Variants in GASK1B observed in about 807,000 individuals in gnomAD.
The protein encoded by GASK1B is golgi associated kinase 1B.
A neutral mutation model predicts 42.8 loss-of-function variants in GASK1B; 34 were observed. The observed-to-expected ratio is 0.79, with a 90% confidence interval of 0.60 to 1.06. GASK1B has a LOEUF of 1.06. Ranked by LOEUF, GASK1B falls within the 50% of genes least tolerant of loss-of-function variation. GASK1B has a pLI of 0.00. For missense variants in GASK1B, 686 were observed against 661.0 expected, an observed-to-expected ratio of 1.04 and a Z score of -0.42; for synonymous variants, 262 against 259.1, an observed-to-expected ratio of 1.01 and a Z score of -0.11.
At position 158,125,894 on chromosome 4, in the gene GASK1B, T is replaced by C. The variant is rs1277435749; in HGVS notation, c.*1513A>G. Reference sequence around the variant, plus strand: ...TCTACAATTGTATCAATTAGATCTATAGATTTTTTTTTTCAAATCTAGCCT... The same window carrying C: ...TCTACAATTGTATCAATTAGATCTACAGATTTTTTTTTTCAAATCTAGCCT... On this transcript the variant is annotated 3_prime_UTR_variant, in exon 5 of 5. Coordinates refer to ENST00000585682, the MANE Select transcript of GASK1B (RefSeq NM_001128424.2). The C allele has an allele frequency of 2.6e-5, 4 of 152,098 alleles. No individual in the cohort carries two copies. The highest frequency in any genetic ancestry group is 6.6e-5 in the Admixed American group (1 of 15,256). 9.4% of individuals were successfully genotyped at this position (152,098 alleles called of 1,614,324 possible). A position where few individuals can be genotyped will look rare whatever the true frequency, so the allele number is the denominator to read the frequency against.
At chr4:158,154,916 C>T (rs1731701147) in intron 3 of GASK1B, among the ~76,000 whole-genome samples, 1 of 152,156 alleles carries the variant, frequency 6.6e-6, no homozygotes, top group African/African-American at 2.4e-5. Context: ...GTACACTGAT[C>T]AGTTGATGGG....
At chr4:158,128,156 TAAAG>T (rs1396552043) in intron 4 of GASK1B, among the ~76,000 whole-genome samples, 4 of 152,148 alleles carry the variant, frequency 2.6e-5, no homozygotes, top group Non-Finnish European at 5.9e-5. Flanking sequence ...AACATCAAAT[TAAAG>T]AAAGAATTGT....
intron 2 of GASK1B, among the ~76,000 whole-genome samples, chr4:158,162,136 A>G (rs1370285036): frequency 1.3e-5 from 2 of 152,320 alleles, no homozygotes; most frequent in African/African-American, 4.8e-5. Context: ...TTTAAGAACC[A>G]GTTCTGGCAT....
chr4:158,152,169 C>A (rs1022409726), intron 3 of GASK1B, among the ~76,000 whole-genome samples: 1 of 152,144 alleles, frequency 6.6e-6, no homozygotes, highest in Non-Finnish European at 1.5e-5. Context: ...GCTGCACTGT[C>A]GACTTCCTTG....
intron 3 of GASK1B, among the ~76,000 whole-genome samples, chr4:158,141,616 T>C (rs1731122981): frequency 7.5e-6 from 1 of 133,056 alleles, no homozygotes; most frequent in Non-Finnish European, 1.6e-5. Context: ...TTTTTTTTTT[T>C]TTTTTTTTGA....
At chr4:158,159,756 G>C (rs567405835) in intron 2 of GASK1B, 1 of 173,052 alleles carries the variant, frequency 5.8e-6, no homozygotes, top group Non-Finnish European at 1.3e-5. Flanking sequence ...GAATATTTCC[G>C]CTGAATTTGG....
At position 158,126,105 on chromosome 4, in the gene GASK1B, T is replaced by A. The variant is rs1730443024; in HGVS notation, c.*1302A>T. The A allele has an allele frequency of 1.3e-5, 2 of 152,184 alleles. No homozygotes were observed. The allele number at this position is 152,184 out of a possible 1,614,324, so 9.4% of individuals were successfully genotyped here. On this transcript the variant is annotated 3_prime_UTR_variant, in exon 5 of 5. Transcript: ENST00000585682. Reference sequence around the variant, plus strand: ...GGAAATGAAAAGTCACAAATAGAACTTTTAAATAAGGAGTAGGATGTGTAA... The same window carrying A: ...GGAAATGAAAAGTCACAAATAGAACATTTAAATAAGGAGTAGGATGTGTAA...
chr4:158,136,269 C>T (rs1372055832), intron 3 of GASK1B, among the ~76,000 whole-genome samples: 1 of 151,948 alleles, frequency 6.6e-6, no homozygotes, highest in Non-Finnish European at 1.5e-5. Flanking sequence ...CACCTACGGT[C>T]CCAGCTACTC....
At position 158,130,858 on chromosome 4, in the gene GASK1B, A is replaced by G. The variant is rs1730649103; in HGVS notation, c.1280T>C (p.Phe427Ser). 6.2e-7 allele frequency: 1 copy of G among 1,613,942 alleles called. No homozygotes were observed. The highest frequency in any genetic ancestry group is 1.7e-5 in the Admixed American group (1 of 60,000). Reference sequence around the variant, plus strand: ...GTCAAAGAAACCCTTGTTGTCTATAAAAACCAAATGCCTTGGGTCATGCTT... The same window carrying G: ...GTCAAAGAAACCCTTGTTGTCTATAGAAACCAAATGCCTTGGGTCATGCTT... ...QRKHDPRHLV[F>S]IDNKGFFDRS... The change falls in exon 4 of 5, where the codon TTT becomes TCT. Residue 427 changes from phenylalanine to serine, a missense_variant. Phe to Ser is a radical substitution (Grantham distance 155). Coordinates refer to ENST00000585682, the MANE Select transcript of GASK1B (RefSeq NM_001128424.2).
At chr4:158,157,639 C>A (rs991553589) in intron 2 of GASK1B, among the ~76,000 whole-genome samples, 4 of 152,042 alleles carry the variant, frequency 2.6e-5, no homozygotes, top group Admixed American at 6.6e-5. Flanking sequence ...ACAAACAGCA[C>A]TTTGCATGCT....
Position 158,170,533 on chromosome 4 carries a change from G to GT in GASK1B, c.842dup (p.His281GlnfsTer42). On this transcript the variant is annotated frameshift_variant, in exon 2 of 5. Coordinates refer to ENST00000585682, the MANE Select transcript of GASK1B (RefSeq NM_001128424.2). LOFTEE classifies it high-confidence loss of function. ...TGTTGAGCCCCAGGATCCTGTCTAG[G>GT]TGGAAGGCAAACACCTCACTCATGT... 6.2e-7 allele frequency: 1 copy of GT among 1,614,266 alleles called. No homozygotes were observed.
At chr4:158,161,189 G>A (rs980866526) in intron 2 of GASK1B, among the ~76,000 whole-genome samples, 2 of 151,632 alleles carry the variant, frequency 1.3e-5, no homozygotes, top group African/African-American at 4.8e-5. Context: ...AAATAAGTAA[G>A]GTGATGGATT....
At chr4:158,143,242 G>A (rs1731202755) in intron 3 of GASK1B, among the ~76,000 whole-genome samples, 1 of 152,164 alleles carries the variant, frequency 6.6e-6, no homozygotes, top group African/African-American at 2.4e-5. Flanking sequence ...ATTATGAGCT[G>A]ATAATTGTTG....
chr4:158,172,098 T>C (rs1332663325), intron 1 of GASK1B, among the ~76,000 whole-genome samples: 1 of 152,204 alleles, frequency 6.6e-6, no homozygotes, highest in Non-Finnish European at 1.5e-5. Context: ...ACATTGTTAG[T>C]ATAATACAAA....
chr4:158,133,304 CTT>C (rs889695191), intron 3 of GASK1B, among the ~76,000 whole-genome samples: 3 of 152,012 alleles, frequency 2.0e-5, no homozygotes, highest in African/African-American at 7.2e-5. Context: ...AATAAAAAAA[CTT>C]AAATCTTATT....
rs1220569373 is a variant in GASK1B, at chr4:158,170,479, T to C, written c.897A>G (p.Ala299=). The change falls in exon 2 of 5, where the codon GCA becomes GCG. Residue 299 remains alanine (A), a synonymous_variant. Coordinates refer to ENST00000585682, the MANE Select transcript of GASK1B (RefSeq NM_001128424.2). ...NRTLPSVSRK[A]EFIQDGRPCP... The stretch of plus-strand genomic sequence containing the variant: ...TGAATCTGTTACCTTGGATGAACTC[T>C]GCTTTCCTGCTCACAGACGGCAGGG... The C allele has an allele frequency of 5.0e-6, 8 of 1,614,260 alleles. No individual in the cohort carries two copies. In the East Asian group the frequency reaches 1.1e-4, roughly 22 times the overall value.
At chr4:158,158,428 GC>G (rs1731839810) in intron 2 of GASK1B, among the ~76,000 whole-genome samples, 1 of 151,856 alleles carries the variant, frequency 6.6e-6, no homozygotes, top group South Asian at 2.1e-4. Context: ...CAAGTTTTTT[GC>G]TTTCATGGAG....
intron 2 of GASK1B, chr4:158,169,989 T>C (rs62335862): frequency 0.25 from 123,567 of 491,702 alleles, 16,563 homozygotes; most frequent in Admixed American, 0.3. Context: ...AAACCTAACA[T>C]GGTCTGGCTC....
At chr4:158,162,444 G>C (rs995433096) in intron 2 of GASK1B, among the ~76,000 whole-genome samples, 2 of 152,118 alleles carry the variant, frequency 1.3e-5, no homozygotes, top group African/African-American at 4.8e-5. Flanking sequence ...AATGTTCATG[G>C]ATAGCTCTTA....
Sources: allele counts gnomAD v4.1 joint callset (sites outside exome capture counted in the v4.1 genomes callset), GRCh38; gene constraint gnomAD v4.1.1; transcripts MANE v1.5; gene names NCBI Gene and HGNC (gene_info 2026-07-23, HGNC 2026-07-21).